The following AOPEP variants were observed in gnomAD, a reference collection of about 807,000 sequenced individuals.
AOPEP encodes aminopeptidase O (putative).
Under a neutral mutation model 98.1 loss-of-function variants are expected in AOPEP, and 77 were observed. That is an observed-to-expected ratio of 0.78 (90% CI 0.65 to 0.95). AOPEP has a LOEUF of 0.95. Ranked by LOEUF, AOPEP falls within the 40% of genes least tolerant of loss-of-function variation. The probability of loss-of-function intolerance (pLI) is 0.00; values close to 1 mark genes in which losing one functional copy is unlikely to be tolerated. For synonymous variants in AOPEP, 346 were observed against 365.3 expected, an observed-to-expected ratio of 0.95 and a Z score of 0.60; for missense variants, 1,024 against 1,024.7, an observed-to-expected ratio of 1.00 and a Z score of 0.01.
chr9:95,078,714 C>CT (rs1329084669), intron 14 of AOPEP, among the ~76,000 whole-genome samples: 2 of 152,264 alleles, frequency 1.3e-5, no homozygotes, highest in Non-Finnish European at 2.9e-5. Flanking sequence ...TGGTGCCCAT[C>CT]TTCACAAAGC....
At chr9:94,749,759 A>G (rs1473417605) in intron 1 of AOPEP, among the ~76,000 whole-genome samples, 2 of 152,074 alleles carry the variant, frequency 1.3e-5, no homozygotes. Flanking sequence ...TTTTCCTTTT[A>G]GTTCATGTAT....
rs1383563825 is a variant in AOPEP at position 94,929,137 on chromosome 9, C to G, written c.1661+606C>G. ...TCTTTGTGAAATGTTTATCTGAAAC[C>G]TGGTACCTAGGCTCCGGGAGCACTG... On this transcript the variant is annotated intron_variant, in intron 7 of 16. Transcript: ENST00000375315. 2.6e-5 allele frequency among the ~76,000 whole-genome samples: 4 copies of G among 152,156 alleles called. No homozygotes were observed. In the East Asian group the frequency reaches 7.7e-4, roughly 29 times the overall value.
intron 8 of AOPEP, among the ~76,000 whole-genome samples, 197 bp downstream of exon 8, chr9:94,955,476 A>G (rs1000896443): frequency 6.6e-6 from 1 of 152,222 alleles, no homozygotes; most frequent in Admixed American, 6.5e-5. Flanking sequence ...GACTGAATGA[A>G]CAAAGGCTGA....
At chr9:94,812,549 A>G (rs1414181115) in intron 5 of AOPEP, among the ~76,000 whole-genome samples, 3 of 152,100 alleles carry the variant, frequency 2.0e-5, no homozygotes, top group Non-Finnish European at 4.4e-5. Context: ...TTTCCCAGTT[A>G]GAATGCCAAG....
the AOPEP span, among the ~76,000 whole-genome samples, chr9:95,141,778 T>C: frequency 6.6e-6 from 1 of 152,156 alleles, no homozygotes; most frequent in African/African-American, 2.4e-5. Context: ...GTTCTTCTGA[T>C]AGATAATGAA....
intron 7 of AOPEP, among the ~76,000 whole-genome samples, chr9:94,953,144 G>A (rs2058224818): frequency 6.6e-6 from 1 of 152,214 alleles, no homozygotes; most frequent in Non-Finnish European, 1.5e-5. Flanking sequence ...CCTTCCCCCA[G>A]ACAGTGGGTG....
chr9:95,149,604 T>TA, the AOPEP span, among the ~76,000 whole-genome samples: 5 of 151,624 alleles, frequency 3.3e-5, no homozygotes, highest in Non-Finnish European at 5.9e-5. Flanking sequence ...TCAGCCCCCC[T>TA]AGTAGCTGGG....
At chr9:94,870,618 A>G (rs754513706) in intron 5 of AOPEP, among the ~76,000 whole-genome samples, 1 of 152,182 alleles carries the variant, frequency 6.6e-6, no homozygotes, top group African/African-American at 2.4e-5. Context: ...TGCTGATGCT[A>G]CAGTTTAGCA....
intron 9 of AOPEP, among the ~76,000 whole-genome samples, chr9:94,963,690 T>C (rs1413995361): frequency 6.6e-6 from 1 of 152,158 alleles, no homozygotes; most frequent in Non-Finnish European, 1.5e-5. Flanking sequence ...TATTTGTTGC[T>C]AGCTAACTTT....
chr9:94,858,936 G>C (rs1217854919), intron 5 of AOPEP, among the ~76,000 whole-genome samples: 2 of 151,726 alleles, frequency 1.3e-5, no homozygotes, highest in Non-Finnish European at 2.9e-5. Context: ...GCTGAGGCAG[G>C]AGAATGGTGT....
intron 14 of AOPEP, among the ~76,000 whole-genome samples, chr9:95,067,782 A>G (rs1227444070): frequency 1.3e-5 from 2 of 152,188 alleles, no homozygotes; most frequent in African/African-American, 2.4e-5. Flanking sequence ...AACCATCACC[A>G]CAATCACTTG....
At chr9:95,038,378 T>C (rs936620174) in intron 13 of AOPEP, among the ~76,000 whole-genome samples, 9 of 152,162 alleles carry the variant, frequency 5.9e-5, no homozygotes, top group African/African-American at 1.9e-4. Context: ...CTAGGCAACT[T>C]GCACACATTT....
chr9:94,850,602 G>A (rs1393416330), intron 5 of AOPEP, among the ~76,000 whole-genome samples: 3 of 152,154 alleles, frequency 2.0e-5, no homozygotes, highest in Non-Finnish European at 4.4e-5. Flanking sequence ...CTCACCGCCC[G>A]ACTCCAGAGT....
chr9:94,983,664 T>A (rs1431457995), intron 11 of AOPEP, among the ~76,000 whole-genome samples: 1 of 152,188 alleles, frequency 6.6e-6, no homozygotes, highest in African/African-American at 2.4e-5. Flanking sequence ...TTCAACTTTA[T>A]TTCCTGGCAT....
At chr9:95,059,438 G>A (rs987076064) in intron 13 of AOPEP, among the ~76,000 whole-genome samples, 6 of 152,068 alleles carry the variant, frequency 3.9e-5, no homozygotes, top group African/African-American at 1.4e-4. Context: ...GATACCTAGT[G>A]GAATGGTGCG....
chr9:95,092,384 G>A, the AOPEP span, among the ~76,000 whole-genome samples: 1 of 148,962 alleles, frequency 6.7e-6, no homozygotes, highest in East Asian at 1.9e-4. Flanking sequence ...AGTGGGGCCT[G>A]GGGGCGGGCC....
intron 13 of AOPEP, among the ~76,000 whole-genome samples, chr9:95,059,117 C>A (rs1275615133): frequency 1.3e-5 from 2 of 152,174 alleles, no homozygotes; most frequent in Non-Finnish European, 2.9e-5. Flanking sequence ...GATTTTGTTA[C>A]AAGTAGTTAT....
intron 4 of AOPEP, among the ~76,000 whole-genome samples, chr9:94,797,162 G>C (rs144865621): frequency 1.3e-4 from 20 of 152,198 alleles, no homozygotes; most frequent in African/African-American, 4.8e-4. Context: ...GGCCAGGCGC[G>C]GTGGCTCACG....
At chr9:94,892,521 T>C (rs2048991797) in intron 5 of AOPEP, among the ~76,000 whole-genome samples, 1 of 152,132 alleles carries the variant, frequency 6.6e-6, no homozygotes, top group Non-Finnish European at 1.5e-5. Context: ...GACATGTTAG[T>C]GACAGCCATA....
Sources: gnomAD v4.1 joint callset for allele counts (sites outside exome capture counted in the v4.1 genomes callset) on GRCh38, gnomAD v4.1.1 for gene constraint, MANE v1.5 for transcripts, NCBI Gene and HGNC (gene_info 2026-07-23, HGNC 2026-07-21) for gene names.